The following OTUD7B variants were observed in gnomAD, a reference collection of about 807,000 sequenced individuals.
The protein encoded by OTUD7B is OTU deubiquitinase 7B, also known as OTU domain-containing protein 7B.
OTUD7B carries 34 observed loss-of-function variants against 82.2 expected under a neutral mutation model. That is an observed-to-expected ratio of 0.41 (90% CI 0.31 to 0.55). OTUD7B has a LOEUF of 0.55. OTUD7B is among the 20% of genes least tolerant of loss of function. OTUD7B has a pLI of 0.20. For synonymous variants in OTUD7B, 398 were observed against 402.7 expected (o/e 0.99, Z 0.14); for missense variants, 944 against 1,062.1 (o/e 0.89, Z 1.55).
At chr1:150,000,794 T>C (rs782777164) in intron 1 of OTUD7B, among the ~76,000 whole-genome samples, 3 of 151,786 alleles carry the variant, frequency 2.0e-5, no homozygotes. Context: ...GCCTGGTCAA[T>C]AGGGCAAAAC....
At chr1:150,016,101 A>G in the OTUD7B span, among the ~76,000 whole-genome samples, 1 of 152,194 alleles carries the variant, frequency 6.6e-6, no homozygotes, top group African/African-American at 2.4e-5. Flanking sequence ...GAATTAACCT[A>G]TCCCAGAGTG....
At chr1:150,035,960 T>TG in the OTUD7B span, among the ~76,000 whole-genome samples, 1 of 150,842 alleles carries the variant, frequency 6.6e-6, no homozygotes, top group Admixed American at 6.6e-5. Context: ...TGTAACTGTT[T>TG]TTTTTTTTTT....
intron 11 of OTUD7B, among the ~76,000 whole-genome samples, chr1:149,946,534 G>T (rs1476283155): frequency 6.6e-6 from 1 of 151,916 alleles, no homozygotes; most frequent in African/African-American, 2.4e-5. Flanking sequence ...CTGAGGTCAG[G>T]AGTTCGAGAC....
In OTUD7B at chr1:150,010,456, G is replaced by C. The variant is rs1238838754; in HGVS notation, c.-75C>G. ...ACGGGGGGCTCCGTTACCCTCGCGG[G>C]CTCCCGGGGCAAGGCCCTAGGCCGG... On this transcript the variant is annotated 5_prime_UTR_variant, in exon 1 of 12. Transcript: ENST00000581312. 1 of 152,348 alleles carries C rather than the reference G, an allele frequency of 6.6e-6. No homozygotes were observed. Among genetic ancestry groups the C allele is most frequent in the African/African-American group, 2.4e-5 (1 of 41,408 alleles). The allele number at this position is 152,348 out of a possible 1,614,324, so 9.4% of individuals were successfully genotyped here.
At chr1:149,960,413 T>G (rs1219059955) in intron 6 of OTUD7B, among the ~76,000 whole-genome samples, 1,415 of 72,394 alleles carry the variant, frequency 0.02, 196 homozygotes, top group African/African-American at 0.069. Context: ...TTTTTTTTTG[T>G]AGACAGAGTC....
intron 6 of OTUD7B, chr1:149,963,973 C>T (rs782267814): frequency 5.7e-5 from 22 of 388,726 alleles, no homozygotes; most frequent in Non-Finnish European, 8.8e-5. Flanking sequence ...AGCTATAAAG[C>T]ACCTACTGGG....
At chr1:149,965,111 T>G (rs921942362) in intron 5 of OTUD7B, among the ~76,000 whole-genome samples, 1 of 152,238 alleles carries the variant, frequency 6.6e-6, no homozygotes, top group Middle Eastern at 3.4e-3. Flanking sequence ...CAGGCTGGTC[T>G]CAAACTCCTG....
rs782759895 is a variant in OTUD7B, at chr1:149,998,971, T to G, written c.-67+11477A>C. Among the ~76,000 whole-genome samples, 7 of 152,330 alleles carry G rather than the reference T, an allele frequency of 4.6e-5. 2 individuals are homozygous for G. Among genetic ancestry groups the G allele is most frequent in the East Asian group, 1.9e-4 (1 of 5,188 alleles). On this transcript the variant is annotated intron_variant, in intron 1 of 11. Coordinates refer to ENST00000581312, the MANE Select transcript of OTUD7B (RefSeq NM_020205.4). ...TTTTCTTTATATGCATTTATCTGTA[T>G]GTAACCATGTCCTATGTAACCCAGA...
In OTUD7B at chr1:149,939,888, C is replaced by T. The variant is rs782675245; in HGVS notation, c.*3969G>A. ...TGGTTGGAGTGAGCCGAGATTGCACCACTGCACTCCAGCCTGGGCAGCTGA... is the reference window on the plus strand; with the variant it reads ...TGGTTGGAGTGAGCCGAGATTGCACTACTGCACTCCAGCCTGGGCAGCTGA... On this transcript the variant is annotated 3_prime_UTR_variant, in exon 12 of 12. Coordinates refer to ENST00000581312, the MANE Select transcript of OTUD7B (RefSeq NM_020205.4). 6.6e-6 allele frequency: 1 copy of T among 151,752 alleles called. No individual in the cohort carries two copies. Among genetic ancestry groups the T allele is most frequent in the Non-Finnish European group, 1.5e-5 (1 of 67,958 alleles). 9.4% of individuals were successfully genotyped at this position (151,752 alleles called of 1,614,324 possible).
intron 7 of OTUD7B, 125 bp downstream of exon 7, chr1:149,959,559 C>T (rs1008015074): frequency 3.0e-6 from 2 of 671,788 alleles, no homozygotes; most frequent in East Asian, 5.1e-5. Flanking sequence ...ACTTTTGTGC[C>T]CTTAGCATAG....
chr1:149,994,210 A>ATG (rs1230836754), intron 1 of OTUD7B, among the ~76,000 whole-genome samples: 1 of 147,846 alleles, frequency 6.8e-6, no homozygotes, highest in Non-Finnish European at 1.5e-5. Flanking sequence ...AATACTTTCA[A>ATG]ATGTATTATT....
At chr1:149,987,934 T>C (rs1553781210) in intron 1 of OTUD7B, among the ~76,000 whole-genome samples, 1 of 152,166 alleles carries the variant, frequency 6.6e-6, no homozygotes, top group Non-Finnish European at 1.5e-5. Flanking sequence ...GGAACAGCAA[T>C]TTCATACATA....
rs200706504 is a variant in OTUD7B at position 149,944,708 on chromosome 1, C to G, written c.1681G>C (p.Gly561Arg). ...KKKNSLKSWK[G>R]GKEEAAGDGP... Reference sequence around the variant, plus strand: ...TCCCCAGCTGCCTCCTCCTTGCCACCCTTCCAGCTCTTCAGTGAGTTTTTC... The same window carrying G: ...TCCCCAGCTGCCTCCTCCTTGCCACGCTTCCAGCTCTTCAGTGAGTTTTTC... The change falls in exon 12 of 12, where the codon GGT (glycine) becomes CGT (arginine). Residue 561 changes from glycine to arginine, a missense_variant. Coordinates refer to ENST00000581312, the MANE Select transcript of OTUD7B (RefSeq NM_020205.4). The G allele has an allele frequency of 5.6e-6, 9 of 1,613,866 alleles. No homozygotes were observed. In the Middle Eastern group the frequency reaches 4.9e-4, roughly 89 times the overall value.
chr1:150,058,087 C>T, the OTUD7B span, among the ~76,000 whole-genome samples: 2 of 152,176 alleles, frequency 1.3e-5, no homozygotes, highest in African/African-American at 4.8e-5. Context: ...AGTATTAAAG[C>T]TCAACGGAAA....
At chr1:149,979,301 T>C (rs1205055830) in intron 1 of OTUD7B, among the ~76,000 whole-genome samples, 1 of 152,150 alleles carries the variant, frequency 6.6e-6, no homozygotes, top group Non-Finnish European at 1.5e-5. Flanking sequence ...TTCTAAGTTT[T>C]AAAAACTCTC....
chr1:149,968,368 A>G (rs1431612672), intron 3 of OTUD7B, among the ~76,000 whole-genome samples: 1 of 152,060 alleles, frequency 6.6e-6, no homozygotes, highest in Non-Finnish European at 1.5e-5. Context: ...TACTCTCAAT[A>G]CCCATATTTA....
At chr1:149,951,320 G>A (rs1368374139) in intron 7 of OTUD7B, among the ~76,000 whole-genome samples, 2 of 151,988 alleles carry the variant, frequency 1.3e-5, no homozygotes, top group African/African-American at 2.4e-5. Context: ...TGGCCAGGAT[G>A]GTCTTGATCT....
chr1:149,974,532 C>CTTTTTTTTTTTTTTT (rs1650159050), intron 2 of OTUD7B, among the ~76,000 whole-genome samples: 1 of 138,358 alleles, frequency 7.2e-6, no homozygotes, highest in African/African-American at 2.7e-5. Flanking sequence ...TATTTTTCTT[C>CTTTTTTTTTTTTTTT]TTTTTTTTTC....
the OTUD7B span, among the ~76,000 whole-genome samples, chr1:150,045,460 C>T: frequency 6.1e-4 from 93 of 151,756 alleles, no homozygotes; most frequent in Middle Eastern, 3.4e-3. Flanking sequence ...TGCGCCCTAC[C>T]ACTGATCTAC....
Sources: gnomAD v4.1 joint callset for allele counts (sites outside exome capture counted in the v4.1 genomes callset) on GRCh38, gnomAD v4.1.1 for gene constraint, MANE v1.5 for transcripts, NCBI Gene and HGNC (gene_info 2026-07-23, HGNC 2026-07-21) for gene names.